Variants in NR6A1 observed in about 807,000 individuals in gnomAD.
NR6A1 encodes nuclear receptor subfamily 6 group A member 1, also known as retinoic acid receptor-related testis-associated receptor.
In NR6A1, 7 loss-of-function variants were observed where a neutral mutation model predicts 59.1. That is an observed-to-expected ratio of 0.12 (90% CI 0.07 to 0.22). The LOEUF is 0.22. Ranked by LOEUF, NR6A1 falls within the 10% of genes least tolerant of loss-of-function variation. NR6A1 has a pLI of 1.00. For missense variants in NR6A1, 468 were observed against 611.6 expected (o/e 0.77, Z 2.48); for synonymous variants, 243 against 236.1 (o/e 1.03, Z -0.27).
intron 3 of NR6A1, among the ~76,000 whole-genome samples, chr9:124,545,474 T>C (rs1011190604): frequency 3.5e-4 from 53 of 152,240 alleles, no homozygotes; most frequent in Non-Finnish European, 5.9e-4. Context: ...GAAACATACA[T>C]AGCCTATGTT....
chr9:124,676,837 A>C (rs559131705), intron 2 of NR6A1, among the ~76,000 whole-genome samples: 1 of 152,348 alleles, frequency 6.6e-6, no homozygotes, highest in African/African-American at 2.4e-5. Flanking sequence ...GCAAGTCCTC[A>C]GTAAGTACTA....
rs573529262 is a variant in NR6A1 at position 124,566,852 on chromosome 9, T to C, written c.143-12282A>G. 5.8e-3 allele frequency among the ~76,000 whole-genome samples: 885 copies of C among 152,294 alleles called. 2 individuals carry two copies. The highest frequency in any genetic ancestry group is 0.02 in the African/African-American group (819 of 41,564). On this transcript the variant is annotated intron_variant, in intron 2 of 9. Transcript: ENST00000487099. ...GGCCGGGCGCGGTGGCTCACGCCTGTAATCCCAGCACTTTGGGAGGCCAAG... is the reference window on the plus strand; with the variant it reads ...GGCCGGGCGCGGTGGCTCACGCCTGCAATCCCAGCACTTTGGGAGGCCAAG...
intron 1 of NR6A1, among the ~76,000 whole-genome samples, chr9:124,742,418 G>A (rs1054132360): frequency 3.3e-5 from 5 of 151,850 alleles, no homozygotes; most frequent in Admixed American, 1.3e-4. Flanking sequence ...AAAATTAGCC[G>A]GGTGTGGTGG....
At chr9:124,568,169 C>CAAAAAAAAAAAA (rs34652433) in intron 2 of NR6A1, among the ~76,000 whole-genome samples, 2 of 30,448 alleles carry the variant, frequency 6.6e-5, no homozygotes, top group African/African-American at 2.1e-4. Flanking sequence ...TACTTCATCT[C>CAAAAAAAAAAAA]AAAAAAAAAA....
chr9:124,754,241 A>G (rs1461617452), intron 1 of NR6A1, among the ~76,000 whole-genome samples: 1 of 152,192 alleles, frequency 6.6e-6, no homozygotes, highest in Non-Finnish European at 1.5e-5. Flanking sequence ...TAGGCACTTT[A>G]TTTTACATAT....
At chr9:124,627,182 C>T (rs1229051181) in intron 2 of NR6A1, among the ~76,000 whole-genome samples, 1 of 152,124 alleles carries the variant, frequency 6.6e-6, no homozygotes, top group Non-Finnish European at 1.5e-5. Context: ...CTTAAAATGA[C>T]AAAACTGAGC....
intron 1 of NR6A1, among the ~76,000 whole-genome samples, chr9:124,734,246 T>C (rs1458066905): frequency 6.6e-6 from 1 of 152,244 alleles, no homozygotes; most frequent in African/African-American, 2.4e-5. Flanking sequence ...AAGGAACTAC[T>C]TGTTCAGCGT....
chr9:124,536,007 G>A lies in NR6A1; in HGVS notation c.950C>T (p.Thr317Met). ...CTGCCACGTAGAGCTCAAGAGGCAC[G>A]TGTAATCCTTGATTGAGAGCTCGCA... is the stretch of plus-strand genomic sequence containing the variant. ...FFCELSIKDYTCLLSSTWQEL... is the reference protein window; with the variant it reads ...FFCELSIKDYMCLLSSTWQEL... The change falls in exon 7 of 10, where the codon ACG becomes ATG. Residue 317 changes from threonine to methionine, a missense_variant. Thr to Met is a moderately conservative substitution (Grantham distance 81, BLOSUM62 -1). Coordinates refer to ENST00000487099, the MANE Select transcript of NR6A1 (RefSeq NM_033334.4). The A allele has an allele frequency of 3.7e-6, 6 of 1,614,208 alleles. No homozygotes were observed. The highest frequency in any genetic ancestry group is 1.1e-5 in the South Asian group (1 of 91,086).
chr9:124,661,683 C>G (rs962880878), intron 2 of NR6A1, among the ~76,000 whole-genome samples: 1 of 152,168 alleles, frequency 6.6e-6, no homozygotes, highest in Non-Finnish European at 1.5e-5. Context: ...ATTGGGCTTC[C>G]TCAAATACTA....
chr9:124,617,689 G>A (rs765069354), intron 2 of NR6A1, among the ~76,000 whole-genome samples: 1 of 152,110 alleles, frequency 6.6e-6, no homozygotes, highest in Admixed American at 6.5e-5. Context: ...GCATCCCCCA[G>A]ACCAACAAGG....
intron 2 of NR6A1, among the ~76,000 whole-genome samples, chr9:124,721,954 G>C (rs963740378): frequency 1.3e-5 from 2 of 152,202 alleles, no homozygotes; most frequent in Admixed American, 1.3e-4. Flanking sequence ...GTTCTCATCT[G>C]TAAGATGGGG....
intron 3 of NR6A1, among the ~76,000 whole-genome samples, chr9:124,551,007 C>T (rs1833762938): frequency 6.6e-6 from 1 of 152,164 alleles, no homozygotes; most frequent in African/African-American, 2.4e-5. Context: ...ATCAGAAGTT[C>T]TTTCAGGTTG....
chr9:124,713,862 T>C (rs1345645625), intron 2 of NR6A1, among the ~76,000 whole-genome samples: 1 of 152,206 alleles, frequency 6.6e-6, no homozygotes, highest in Non-Finnish European at 1.5e-5. Flanking sequence ...AGAATTACCA[T>C]AGGGTCCAGC....
intron 2 of NR6A1, among the ~76,000 whole-genome samples, chr9:124,676,023 G>C (rs1468133967): frequency 6.6e-6 from 1 of 152,176 alleles, no homozygotes; most frequent in East Asian, 1.9e-4. Flanking sequence ...CACGCTAAGA[G>C]AAGGGTTTTC....
chr9:124,667,570 C>A (rs1442726999), intron 2 of NR6A1, among the ~76,000 whole-genome samples: 1 of 152,110 alleles, frequency 6.6e-6, no homozygotes, highest in East Asian at 1.9e-4. Context: ...AAGGGTAGGG[C>A]AATTTCTCTC....
intron 2 of NR6A1, among the ~76,000 whole-genome samples, chr9:124,554,820 A>C (rs546138178): frequency 1.3e-5 from 2 of 152,302 alleles, no homozygotes; most frequent in East Asian, 3.9e-4. Context: ...CTAAGACTGA[A>C]ACCTAGAAAG....
chr9:124,656,300 C>A (rs890138375), intron 2 of NR6A1, among the ~76,000 whole-genome samples: 2 of 152,106 alleles, frequency 1.3e-5, no homozygotes, highest in Admixed American at 1.3e-4. Context: ...CCAAATAAAC[C>A]TCTTTTCTTT....
rs576495653 is a variant in NR6A1 at position 124,598,768 on chromosome 9, G to C, written c.143-44198C>G. 8.2e-5 allele frequency: 75 copies of C among 915,802 alleles called. No individual in the cohort carries two copies. The East Asian group carries it at 2.2e-3, about 26-fold the overall frequency. The allele number at this position is 915,802 out of a possible 1,614,324, so 56.7% of individuals were successfully genotyped here. A position where few individuals can be genotyped will look rare whatever the true frequency, so the allele number is the denominator to read the frequency against. Reference sequence around the variant, plus strand: ...TTCTCCTTCACCGAAAGAGCTTCTAGCTTTTCCGCCACTTTTTCGGCATGA... The same window carrying C: ...TTCTCCTTCACCGAAAGAGCTTCTACCTTTTCCGCCACTTTTTCGGCATGA... On this transcript the variant is annotated intron_variant, in intron 2 of 9. Transcript: ENST00000487099.
intron 2 of NR6A1, among the ~76,000 whole-genome samples, chr9:124,687,899 A>G (rs1838390114): frequency 6.6e-6 from 1 of 152,232 alleles, no homozygotes; most frequent in Non-Finnish European, 1.5e-5. Flanking sequence ...GAAACTTCGA[A>G]TAGTACACAA....
Sources: gnomAD v4.1 joint callset for allele counts (sites outside exome capture counted in the v4.1 genomes callset) on GRCh38, gnomAD v4.1.1 for gene constraint, MANE v1.5 for transcripts, NCBI Gene and HGNC (gene_info 2026-07-23, HGNC 2026-07-21) for gene names.